Variants in ZNF850 observed in about 807,000 individuals in gnomAD.
ZNF850 encodes the protein putative zinc finger protein ENSP00000330994.
ZNF850 carries 2 observed loss-of-function variants against 11.9 expected under a neutral mutation model. The observed-to-expected ratio is 0.17, with a 90% CI of 0.07 to 0.53. The LOEUF is 0.53. Ranked by LOEUF, ZNF850 falls within the 20% of genes least tolerant of loss-of-function variation. The pLI is 0.94. For missense variants in ZNF850, 1,014 were observed against 1,316.4 expected, an observed-to-expected ratio of 0.77 and a Z score of 3.55; for synonymous variants, 381 against 443.0, an observed-to-expected ratio of 0.86 and a Z score of 1.76.
At chr19:36,764,252 A>G (rs1404167977) in intron 1 of ZNF850, among the ~76,000 whole-genome samples, 1 of 152,152 alleles carries the variant, frequency 6.6e-6, no homozygotes, top group Non-Finnish European at 1.5e-5. Context: ...CAAAAAATAA[A>G]ATAAAGTAAA....
intron 4 of ZNF850, among the ~76,000 whole-genome samples, chr19:36,756,519 A>C (rs2040487337): frequency 6.6e-6 from 1 of 152,224 alleles, no homozygotes; most frequent in South Asian, 2.1e-4. Context: ...AGATAACAAC[A>C]GATAAAGGAT....
chr19:36,755,532 T>G (rs2040480641), intron 4 of ZNF850, among the ~76,000 whole-genome samples: 1 of 152,080 alleles, frequency 6.6e-6, no homozygotes. Context: ...AAAAATTACT[T>G]TGATGCTAAG....
intron 4 of ZNF850, among the ~76,000 whole-genome samples, chr19:36,751,829 A>T (rs2040456109): frequency 6.6e-6 from 1 of 151,710 alleles, no homozygotes; most frequent in African/African-American, 2.4e-5. Flanking sequence ...CAATGTTATT[A>T]TTTAATAGGA....
intron 1 of ZNF850, 76 bp from the exon 2 acceptor site, chr19:36,762,751 G>A: frequency 1.2e-6 from 1 of 811,968 alleles, no homozygotes; most frequent in South Asian, 1.7e-5. Flanking sequence ...ACAGCAAGCT[G>A]TAGGCCTAGC....
chr19:36,757,503 CTTTTTTTTTT>C (rs57226971), intron 4 of ZNF850, among the ~76,000 whole-genome samples: 30 of 97,392 alleles, frequency 3.1e-4, no homozygotes, highest in African/African-American at 9.0e-4. Context: ...AATATAGTTT[CTTTTTTTTTT>C]TTTTTTTTTT....
chr19:36,766,081 C>T (rs528234061), intron 1 of ZNF850, among the ~76,000 whole-genome samples: 6 of 147,192 alleles, frequency 4.1e-5, no homozygotes, highest in African/African-American at 7.5e-5. Flanking sequence ...TGGTAGAGAC[C>T]GGGTTTCACC....
rs1568740658 is a variant in ZNF850, at chr19:36,769,280, GAAA to G, written c.-70+3442_-70+3444del. Reference sequence around the variant, plus strand: ...CTGTCTCAAAAAAAAAAAAAAAAAAGAAAGAAAGAAAGAAAGAAAGAAAGAAAA... The same window carrying G: ...CTGTCTCAAAAAAAAAAAAAAAAAAGGAAAGAAAGAAAGAAAGAAAGAAAA... On this transcript the variant is annotated intron_variant, in intron 1 of 4. Transcript: ENST00000591344. Among the ~76,000 whole-genome samples, 238 of 37,992 alleles carry G rather than the reference GAAA, an allele frequency of 6.3e-3. 7 individuals carry two copies. Among genetic ancestry groups the G allele is most frequent in the African/African-American group, 0.03 (221 of 7,410 alleles). The allele number at this position is 37,992 out of a possible 152,430, so 24.9% of individuals were successfully genotyped here. A position where few individuals can be genotyped will look rare whatever the true frequency, so the allele number is the denominator to read the frequency against.
At position 36,749,136 on chromosome 19, in the gene ZNF850, T is replaced by A. The variant is rs1231088061; in HGVS notation, c.1904A>T (p.His635Leu). ...AFRLRLRLTQ[H>L]QQIHTGEKPY... ...TTTCTCACCAGTATGGATTTGTTGA[T>A]GTTGAGTAAGTCGTAAACGAAGTCT... Residue 635 changes from histidine to leucine, a missense_variant, in exon 5 of 5, where the codon CAT (histidine) becomes CTT (leucine). Physicochemically the swap from His to Leu is moderately conservative, Grantham distance 99 (BLOSUM62 -3). This residue lies in a region of ZNF850 where 835 missense variants were observed against 1,022.0 expected (regional missense o/e 0.82). Coordinates refer to ENST00000591344, the MANE Select transcript of ZNF850 (RefSeq NM_001193552.2). 8 of 1,603,996 alleles carry A rather than the reference T, an allele frequency of 5.0e-6. No homozygotes were observed. The highest frequency in any genetic ancestry group is 6.8e-6 in the Non-Finnish European group (8 of 1,176,788).
chr19:36,770,544 A>AG (rs1309899527), intron 1 of ZNF850, among the ~76,000 whole-genome samples: 2 of 151,832 alleles, frequency 1.3e-5, no homozygotes, highest in East Asian at 3.9e-4. Flanking sequence ...ACTAAAAAAA[A>AG]CAAATACAAA....
At position 36,747,731 on chromosome 19, in the gene ZNF850, C is replaced by A; in HGVS notation, c.*36G>T. The A allele has an allele frequency of 6.9e-7, 1 of 1,454,894 alleles. No individual in the cohort carries two copies. Among genetic ancestry groups the A allele is most frequent in the Non-Finnish European group, 9.0e-7 (1 of 1,106,670 alleles). 90.1% of individuals were successfully genotyped at this position (1,454,894 alleles called of 1,614,324 possible). On this transcript the variant is annotated 3_prime_UTR_variant, in exon 5 of 5. Transcript: ENST00000591344. ...CCACATATGGAATCTGCTGATGATC[C>A]ATGACAAATGGCATGAGAACAGTTT...
At chr19:36,750,838 T>C (rs2040449356) in intron 4 of ZNF850, 34 bp from the exon 5 acceptor site, 1 of 1,460,548 alleles carries the variant, frequency 6.8e-7, no homozygotes, top group African/African-American at 1.4e-5. Context: ...AACATAGCAT[T>C]TCCTTGTTGA....
chr19:36,766,268 T>G (rs2040549010), intron 1 of ZNF850, among the ~76,000 whole-genome samples: 1 of 151,994 alleles, frequency 6.6e-6, no homozygotes, highest in Non-Finnish European at 1.5e-5. Context: ...GAAACAAATG[T>G]CTTGTTGGTA....
rs539302173 is a variant in ZNF850 at position 36,744,914 on chromosome 19, T to C, written c.*2853A>G. On this transcript the variant is annotated 3_prime_UTR_variant, in exon 5 of 5. Transcript: ENST00000591344. ...GTGGGCGGGTCATGAGGTCAGGAGA[T>C]TGAGACCATCCTGGCTAACATGGTG... 1.3e-5 allele frequency: 2 copies of C among 152,080 alleles called. No homozygotes were observed. The highest frequency in any genetic ancestry group is 2.4e-5 in the African/African-American group (1 of 41,478). The allele number at this position is 152,080 out of a possible 1,614,324, so 9.4% of individuals were successfully genotyped here.
At chr19:36,756,893 C>T (rs2040489907) in intron 4 of ZNF850, among the ~76,000 whole-genome samples, 1 of 152,228 alleles carries the variant, frequency 6.6e-6, no homozygotes, top group South Asian at 2.1e-4. Flanking sequence ...GGATTACAGG[C>T]GTGAGCCACC....
intron 4 of ZNF850, among the ~76,000 whole-genome samples, chr19:36,752,507 C>A (rs1179631676): frequency 6.6e-6 from 1 of 152,084 alleles, no homozygotes; most frequent in Non-Finnish European, 1.5e-5. Context: ...TTTTTTAAAT[C>A]TGTGTGTTCA....
At position 36,762,374 on chromosome 19, in the gene ZNF850, G is replaced by T. The variant is rs771135582; in HGVS notation, c.70C>A (p.Leu24Met). The change falls in exon 3 of 5, where the codon CTG becomes ATG. Residue 24 changes from leucine to methionine, a missense_variant. Physicochemically the swap from Leu to Met is conservative, Grantham distance 15. This residue lies in a region of ZNF850 where 835 missense variants were observed against 1,022.0 expected (regional missense o/e 0.82). Transcript: ENST00000591344. ...TATAAGTCCTTCTGAGCAGCGTCCA[G>T]GCACTCCCATTCCTCCTGAGAGAAG... ...IDFSQEEWEC[L>M]DAAQKDLYRD... 4.4e-6 allele frequency: 7 copies of T among 1,587,084 alleles called. No homozygotes were observed. The East Asian group carries it at 1.6e-4, about 36-fold the overall frequency.
chr19:36,767,977 G>A (rs1246852069), intron 1 of ZNF850, among the ~76,000 whole-genome samples: 1 of 152,122 alleles, frequency 6.6e-6, no homozygotes, highest in Non-Finnish European at 1.5e-5. Context: ...GACTATAATA[G>A]TGGCTGAGCA....
At chr19:36,753,594 T>TA (rs1167959872) in intron 4 of ZNF850, among the ~76,000 whole-genome samples, 3 of 149,482 alleles carry the variant, frequency 2.0e-5, no homozygotes, top group East Asian at 2.0e-4. Context: ...ACCTGTCTCT[T>TA]AAAAAAAAAT....
chr19:36,766,131 A>G (rs1272898433), intron 1 of ZNF850, among the ~76,000 whole-genome samples: 5 of 151,600 alleles, frequency 3.3e-5, no homozygotes, highest in African/African-American at 9.7e-5. Flanking sequence ...GCCTCAAGCA[A>G]TCCACCCAAC....
Sources: allele counts gnomAD v4.1 joint callset (sites outside exome capture counted in the v4.1 genomes callset), GRCh38; gene constraint gnomAD v4.1.1; regional missense constraint gnomAD v4.1.1; transcripts MANE v1.5; gene names NCBI Gene and HGNC (gene_info 2026-07-23, HGNC 2026-07-21).